The following ACO1 variants were observed in gnomAD, a reference collection of about 807,000 sequenced individuals.
ACO1 encodes the protein cytoplasmic aconitate hydratase.
ACO1 carries 78 observed loss-of-function variants against 105.1 expected under a neutral mutation model. That is an observed-to-expected ratio of 0.74 (90% CI 0.62 to 0.90). The LOEUF (loss-of-function observed/expected upper bound fraction) is 0.90, where lower values mean the gene tolerates loss of function less well. Ranked by LOEUF, ACO1 falls within the 40% of genes least tolerant of loss-of-function variation. ACO1 has a pLI of 0.00. For missense variants in ACO1, 965 were observed against 1,111.1 expected (o/e 0.87, Z 1.87); for synonymous variants, 364 against 397.4 (o/e 0.92, Z 1.00).
Position 32,440,536 on chromosome 9 carries a change from G to C in ACO1, c.2319G>C (p.Glu773Asp). ...CCCTGATCGTTCTGGCTGGCAAAGA[G>C]TACGGTGCAGGCAGCTCCCGAGACT... ...GLPLIVLAGK[E>D]YGAGSSRDWA... Residue 773 changes from glutamate (E) to aspartate (D), a missense_variant, in exon 19 of 21, where the codon GAG becomes GAC. Transcript: ENST00000309951. The C allele has an allele frequency of 6.2e-7, 1 of 1,614,052 alleles. No individual in the cohort carries two copies.
At chr9:32,430,300 G>A in intron 13 of ACO1, 118 bp from the exon 14 acceptor site, 1 of 1,039,234 alleles carries the variant, frequency 9.6e-7, no homozygotes, top group South Asian at 1.9e-5. Flanking sequence ...AGAGAACCAA[G>A]TGAAAGGGCA....
rs889013556 is a variant in ACO1 at position 32,454,000 on chromosome 9, G to A, written c.*3889G>A. On this transcript the variant is annotated 3_prime_UTR_variant, in exon 21 of 21. Coordinates refer to ENST00000309951, the MANE Select transcript of ACO1 (RefSeq NM_002197.3). Reference sequence around the variant, plus strand: ...TTTTATTTTACGGCATAATGAAACAGAGTTCCAGACATGTACCTGCCAAAT... The same window carrying A: ...TTTTATTTTACGGCATAATGAAACAAAGTTCCAGACATGTACCTGCCAAAT... 3 of 152,242 alleles carry A rather than the reference G, an allele frequency of 2.0e-5. No homozygotes were observed. The highest frequency in any genetic ancestry group is 7.2e-5 in the African/African-American group (3 of 41,468). 9.4% of individuals were successfully genotyped at this position (152,242 alleles called of 1,614,324 possible). A position where few individuals can be genotyped will look rare whatever the true frequency, so the allele number is the denominator to read the frequency against.
At chr9:32,405,027 A>T (rs902609996) in intron 1 of ACO1, among the ~76,000 whole-genome samples, 21 of 152,334 alleles carry the variant, frequency 1.4e-4, no homozygotes, top group African/African-American at 4.8e-4. Flanking sequence ...GAACTCCCAG[A>T]GAAGGAAGTT....
chr9:32,391,920 C>G (rs1433081281), intron 1 of ACO1, among the ~76,000 whole-genome samples: 2 of 151,962 alleles, frequency 1.3e-5, no homozygotes, highest in Non-Finnish European at 1.5e-5. Flanking sequence ...AAAGTAGCCT[C>G]AGGATTGGTT....
rs1563954434 is a variant in ACO1 at position 32,454,471 on chromosome 9, G to GT, written c.*4362dup. Reference sequence around the variant, plus strand: ...GGACCACAGAGATAACAAGGTGGTAGTTGTGTAACAGGTTGTGTCTGAACC... The same window carrying GT: ...GGACCACAGAGATAACAAGGTGGTAGTTTGTGTAACAGGTTGTGTCTGAACC... On this transcript the variant is annotated 3_prime_UTR_variant, in exon 21 of 21. Transcript: ENST00000309951. The GT allele has an allele frequency of 6.8e-6, 1 of 147,428 alleles. No individual in the cohort carries two copies. The highest frequency in any genetic ancestry group is 2.1e-4 in the South Asian group (1 of 4,804). 9.1% of individuals were successfully genotyped at this position (147,428 alleles called of 1,614,324 possible). A position where few individuals can be genotyped will look rare whatever the true frequency, so the allele number is the denominator to read the frequency against.
chr9:32,393,582 G>A (rs1271134541), intron 1 of ACO1, among the ~76,000 whole-genome samples: 1 of 152,112 alleles, frequency 6.6e-6, no homozygotes, highest in Non-Finnish European at 1.5e-5. Context: ...AGCATGTGAT[G>A]TCTGTGACCC....
intron 7 of ACO1, among the ~76,000 whole-genome samples, chr9:32,420,044 T>C (rs1821935083): frequency 9.0e-6 from 1 of 110,570 alleles, no homozygotes; most frequent in Non-Finnish European, 2.3e-5. Context: ...CAAATGTCTG[T>C]GCACTGTTCT....
At position 32,448,979 on chromosome 9, in the gene ACO1, T is replaced by C; in HGVS notation, c.2454T>C (p.Tyr818=). 6.2e-7 allele frequency: 1 copy of C among 1,614,002 alleles called. No homozygotes were observed. Among genetic ancestry groups the C allele is most frequent in the South Asian group, 1.1e-5 (1 of 91,076 alleles). ...GGATGGGTGTGATCCCACTTGAATA[T>C]CTCCCTGGTGAGAATGCAGATGCCC... is the stretch of plus-strand genomic sequence containing the variant. ...LVGMGVIPLE[Y]LPGENADALG... The change falls in exon 20 of 21, where the codon TAT becomes TAC. Residue 818 remains tyrosine (Y), a synonymous_variant. Coordinates refer to ENST00000309951, the MANE Select transcript of ACO1 (RefSeq NM_002197.3).
intron 4 of ACO1, among the ~76,000 whole-genome samples, chr9:32,409,512 T>A (rs890464571): frequency 6.6e-6 from 1 of 152,212 alleles, no homozygotes; most frequent in African/African-American, 2.4e-5. Flanking sequence ...TTTGTTTTTT[T>A]AAATCCATCC....
At chr9:32,437,550 C>CA (rs896021957) in intron 18 of ACO1, among the ~76,000 whole-genome samples, 21 of 152,280 alleles carry the variant, frequency 1.4e-4, no homozygotes, top group African/African-American at 4.8e-4. Flanking sequence ...TAGTTATAGA[C>CA]ATTGGGGGAC....
chr9:32,422,191 C>G (rs1346708118), intron 8 of ACO1, among the ~76,000 whole-genome samples: 2 of 152,142 alleles, frequency 1.3e-5, no homozygotes, highest in African/African-American at 4.8e-5. Flanking sequence ...TCCCGTGGTG[C>G]TGCAGGTGGC....
intron 12 of ACO1, 129 bp downstream of exon 12, chr9:32,427,565 G>T: frequency 1.5e-6 from 2 of 1,329,342 alleles, no homozygotes; most frequent in Non-Finnish European, 2.1e-6. Context: ...TTATCAGTTG[G>T]TAGTTAGACT....
intron 4 of ACO1, among the ~76,000 whole-genome samples, chr9:32,414,292 A>G (rs770613401): frequency 6.6e-6 from 1 of 152,240 alleles, no homozygotes; most frequent in Admixed American, 6.5e-5. Flanking sequence ...TCTGAATTCA[A>G]ATGAACTAAG....
Position 32,453,299 on chromosome 9 carries a change from A to AAGAT in ACO1, c.*3190_*3193dup, listed in dbSNP as rs1353256056. 2 of 151,934 alleles carry AAGAT rather than the reference A, an allele frequency of 1.3e-5. No homozygotes were observed. The highest frequency in any genetic ancestry group is 1.3e-4 in the Admixed American group (2 of 15,264). The allele number at this position is 151,934 out of a possible 1,614,324, so 9.4% of individuals were successfully genotyped here. On this transcript the variant is annotated 3_prime_UTR_variant, in exon 21 of 21. Transcript: ENST00000309951. ...GGTACATAGGGAGTAATCTAGGGAA[A>AAGAT]AGATATATTAGGCATGAATCTTAGC...
chr9:32,447,184 C>T (rs1822632694), intron 19 of ACO1, among the ~76,000 whole-genome samples: 2 of 152,322 alleles, frequency 1.3e-5, no homozygotes, highest in Admixed American at 1.3e-4. Context: ...TTCATTCTCC[C>T]TGTCACTTTC....
intron 1 of ACO1, among the ~76,000 whole-genome samples, chr9:32,399,485 C>T (rs1019114337): frequency 6.6e-6 from 1 of 152,196 alleles, no homozygotes; most frequent in Non-Finnish European, 1.5e-5. Context: ...AAAATTGGTA[C>T]AGCCTTTTCC....
intron 1 of ACO1, among the ~76,000 whole-genome samples, chr9:32,403,506 TA>T (rs1821542655): frequency 6.6e-6 from 1 of 152,198 alleles, no homozygotes; most frequent in Non-Finnish European, 1.5e-5. Flanking sequence ...ATCCCAAAAA[TA>T]CCAACTGACT....
chr9:32,418,627 C>A, intron 6 of ACO1, 116 bp downstream of exon 6: 2 of 1,210,464 alleles, frequency 1.7e-6, no homozygotes, highest in Non-Finnish European at 2.3e-6. Context: ...GTATGTTTGT[C>A]AGTTTTGTCA....
intron 19 of ACO1, among the ~76,000 whole-genome samples, chr9:32,445,122 C>G (rs559226129): frequency 3.3e-4 from 51 of 152,260 alleles, no homozygotes; most frequent in Non-Finnish European, 6.2e-4. Context: ...TGATGCTGGC[C>G]TCATAAAATG....
Sources: allele counts gnomAD v4.1 joint callset (sites outside exome capture counted in the v4.1 genomes callset), GRCh38; gene constraint gnomAD v4.1.1; transcripts MANE v1.5; gene names NCBI Gene and HGNC (gene_info 2026-07-23, HGNC 2026-07-21).